The following KCNQ3 variants were observed in gnomAD, a reference collection of about 807,000 sequenced individuals.
KCNQ3 encodes potassium voltage-gated channel subfamily Q member 3, also known as potassium voltage-gated channel subfamily KQT member 3.
A neutral mutation model predicts 92.5 loss-of-function variants in KCNQ3; 30 were observed. The ratio of observed to expected loss-of-function variants is 0.32; its 90% CI spans 0.24 to 0.44. The LOEUF is 0.44. Ranked by LOEUF, KCNQ3 falls within the 20% of genes least tolerant of loss-of-function variation. KCNQ3 has a pLI of 1.00. For synonymous variants in KCNQ3, 450 were observed against 468.8 expected (o/e 0.96, Z 0.52); for missense variants, 913 against 1,140.3 (o/e 0.80, Z 2.87).
intron 4 of KCNQ3, among the ~76,000 whole-genome samples, 171 bp downstream of exon 4, chr8:132,179,986 T>C (rs979853984): frequency 1.3e-5 from 2 of 152,152 alleles, no homozygotes; most frequent in Admixed American, 6.5e-5. Context: ...CTCCTGCCCC[T>C]ACCCCAGCCC....
At chr8:132,183,141 CTT>C (rs1311000373) in intron 3 of KCNQ3, among the ~76,000 whole-genome samples, 1 of 152,146 alleles carries the variant, frequency 6.6e-6, no homozygotes, top group Admixed American at 6.5e-5. Flanking sequence ...CTGGGAATGA[CTT>C]TTCAAAAGTA....
chr8:132,365,326 G>A (rs1219655805), intron 1 of KCNQ3, among the ~76,000 whole-genome samples: 2 of 152,240 alleles, frequency 1.3e-5, no homozygotes, highest in Non-Finnish European at 2.9e-5. Context: ...CGTGTTAGAC[G>A]CCTTATGTGG....
chr8:132,349,217 G>C (rs182938864), intron 1 of KCNQ3, among the ~76,000 whole-genome samples: 50 of 152,304 alleles, frequency 3.3e-4, no homozygotes, highest in African/African-American at 1.0e-3. Flanking sequence ...CACACAGCAA[G>C]TCAACGCCTC....
At chr8:132,426,634 C>A (rs1209716202) in intron 1 of KCNQ3, among the ~76,000 whole-genome samples, 1 of 152,194 alleles carries the variant, frequency 6.6e-6, no homozygotes, top group African/African-American at 2.4e-5. Context: ...CTTCCCTCAC[C>A]AATGGAATGA....
intron 1 of KCNQ3, among the ~76,000 whole-genome samples, chr8:132,449,864 T>G (rs1016635983): frequency 7.9e-5 from 12 of 151,946 alleles, no homozygotes; most frequent in African/African-American, 2.9e-4. Flanking sequence ...ACTGAGAAAT[T>G]AAGGTACAAG....
intron 1 of KCNQ3, among the ~76,000 whole-genome samples, chr8:132,392,535 C>G (rs1226516563): frequency 1.3e-5 from 2 of 152,006 alleles, no homozygotes; most frequent in African/African-American, 4.8e-5. Flanking sequence ...CTCTCTCTCT[C>G]AACTCTATAT....
chr8:132,157,962 A>T (rs1054742353), intron 9 of KCNQ3, among the ~76,000 whole-genome samples: 23 of 152,222 alleles, frequency 1.5e-4, no homozygotes, highest in Non-Finnish European at 3.1e-4. Context: ...TTTGACTTCT[A>T]GGTATATTTC....
At chr8:132,225,150 G>T (rs1051394378) in intron 1 of KCNQ3, among the ~76,000 whole-genome samples, 5 of 152,158 alleles carry the variant, frequency 3.3e-5, no homozygotes, top group African/African-American at 9.7e-5. Context: ...CACTCTGTTG[G>T]CAGAATAACA....
intron 1 of KCNQ3, among the ~76,000 whole-genome samples, chr8:132,288,546 T>G (rs1816744248): frequency 6.6e-6 from 1 of 152,152 alleles, no homozygotes; most frequent in South Asian, 2.1e-4. Context: ...TCCTTCCCCC[T>G]CTCGGAGCTA....
chr8:132,434,843 G>A (rs568665686), intron 1 of KCNQ3, among the ~76,000 whole-genome samples: 26 of 152,350 alleles, frequency 1.7e-4, no homozygotes, highest in Non-Finnish European at 3.1e-4. Flanking sequence ...GGAAACAACA[G>A]AAGGCCTCAG....
intron 1 of KCNQ3, among the ~76,000 whole-genome samples, chr8:132,281,562 A>G (rs918810975): frequency 3.3e-5 from 5 of 151,966 alleles, no homozygotes; most frequent in Middle Eastern, 3.2e-3. Context: ...ATATATATAT[A>G]TATGAAATGA....
chr8:132,267,803 A>G (rs1278085634), intron 1 of KCNQ3, among the ~76,000 whole-genome samples: 1 of 152,220 alleles, frequency 6.6e-6, no homozygotes, highest in African/African-American at 2.4e-5. Context: ...GTTAACAAAC[A>G]GCAAAAATAA....
At chr8:132,284,754 A>T (rs914375241) in intron 1 of KCNQ3, among the ~76,000 whole-genome samples, 8 of 152,258 alleles carry the variant, frequency 5.3e-5, no homozygotes, top group Admixed American at 1.3e-4. Context: ...TCATGTCAAA[A>T]TTTAATTGCC....
chr8:132,384,088 G>C (rs1819830880), intron 1 of KCNQ3, among the ~76,000 whole-genome samples: 1 of 152,138 alleles, frequency 6.6e-6, no homozygotes, highest in South Asian at 2.1e-4. Context: ...CCCCAAATCA[G>C]AGTTCACCTT....
intron 1 of KCNQ3, chr8:132,186,617 AAATT>A (rs1442741689): frequency 1.6e-5 from 5 of 305,610 alleles, no homozygotes; most frequent in Non-Finnish European, 2.5e-5. Context: ...AAGAAAACAC[AAATT>A]TATTCCAAAG....
intron 13 of KCNQ3, 137 bp downstream of exon 13, chr8:132,134,153 G>A (rs1824982549): frequency 1.4e-6 from 1 of 724,938 alleles, no homozygotes; most frequent in Admixed American, 2.0e-5. Context: ...ACTGAAACAA[G>A]CTTCAAACTC....
chr8:132,308,131 G>T (rs1817486288), intron 1 of KCNQ3, among the ~76,000 whole-genome samples: 1 of 152,144 alleles, frequency 6.6e-6, no homozygotes, highest in African/African-American at 2.4e-5. Flanking sequence ...TATCTCACGG[G>T]GCTCACGGCA....
intron 9 of KCNQ3, among the ~76,000 whole-genome samples, chr8:132,161,827 G>A (rs969510238): frequency 2.6e-5 from 4 of 152,296 alleles, no homozygotes; most frequent in South Asian, 2.1e-4. Context: ...CGCCTCCTGC[G>A]TAAAGGAATT....
At chr8:132,433,147 A>G (rs1821296468) in intron 1 of KCNQ3, among the ~76,000 whole-genome samples, 1 of 152,174 alleles carries the variant, frequency 6.6e-6, no homozygotes, top group African/African-American at 2.4e-5. Context: ...GTTACCTCAT[A>G]CTTTATTGTG....
Sources: allele counts gnomAD v4.1 joint callset (sites outside exome capture counted in the v4.1 genomes callset), GRCh38; gene constraint gnomAD v4.1.1; transcripts MANE v1.5; gene names NCBI Gene and HGNC (gene_info 2026-07-23, HGNC 2026-07-21).